ABHD3: variants seen among roughly 807,000 people sequenced by gnomAD.
ABHD3 encodes the protein abhydrolase domain containing 3, phospholipase, also known as phospholipase ABHD3.
Under a neutral mutation model 48.8 loss-of-function variants are expected in ABHD3, and 46 were observed. That is an observed-to-expected ratio of 0.94 (90% confidence interval 0.74 to 1.20). The LOEUF is 1.20. Among genes scored for constraint, ABHD3 ranks in the 50% most tolerant of loss-of-function variants. ABHD3 has a pLI of 0.00. For missense variants in ABHD3, 490 were observed against 497.8 expected, an observed-to-expected ratio of 0.98 and a Z score of 0.15; for synonymous variants, 192 against 183.7, an observed-to-expected ratio of 1.04 and a Z score of -0.36.
intron 8 of ABHD3, among the ~76,000 whole-genome samples, chr18:21,652,668 G>T (rs2039251650): frequency 6.6e-6 from 1 of 151,588 alleles, no homozygotes; most frequent in Admixed American, 6.6e-5. Context: ...CCAGCTACTT[G>T]GGAGGCTGAG....
chr18:21,675,259 TG>T (rs2039851415), intron 4 of ABHD3, among the ~76,000 whole-genome samples: 2 of 124,890 alleles, frequency 1.6e-5, no homozygotes, highest in South Asian at 5.4e-4. Context: ...TGGAATGAGG[TG>T]GGTTTTTTTT....
intron 4 of ABHD3, chr18:21,682,972 G>C (rs924293464): frequency 6.6e-6 from 1 of 152,236 alleles, no homozygotes; most frequent in African/African-American, 2.4e-5. Flanking sequence ...TTTCGAAATC[G>C]TGTTGATCTT....
chr18:21,667,521 G>A (rs538300979), intron 4 of ABHD3, among the ~76,000 whole-genome samples: 191 of 152,164 alleles, frequency 1.3e-3, no homozygotes, highest in African/African-American at 4.3e-3. Context: ...GATTACAGGC[G>A]TGAATCACCG....
chr18:21,669,825 T>C (rs1305451496), intron 4 of ABHD3, among the ~76,000 whole-genome samples: 1 of 152,062 alleles, frequency 6.6e-6, no homozygotes, highest in East Asian at 1.9e-4. Context: ...TCCTCCTCAG[T>C]GAAAGGAAAC....
chr18:21,684,027 T>C, intron 3 of ABHD3, 62 bp from the exon 4 acceptor site: 2 of 1,459,842 alleles, frequency 1.4e-6, no homozygotes, highest in South Asian at 2.5e-5. Context: ...TGATATAATA[T>C]TAAAGTCATC....
chr18:21,679,247 G>A (rs1217047197), intron 4 of ABHD3, among the ~76,000 whole-genome samples: 1 of 152,130 alleles, frequency 6.6e-6, no homozygotes, highest in Non-Finnish European at 1.5e-5. Context: ...ATTGTTCTTA[G>A]CTTGAAGACA....
At chr18:21,689,321 G>A (rs1196971930) in intron 3 of ABHD3, among the ~76,000 whole-genome samples, 2 of 151,968 alleles carry the variant, frequency 1.3e-5, no homozygotes, top group Admixed American at 6.6e-5. Flanking sequence ...AGCCAAGGTG[G>A]GTGGATCACC....
intron 8 of ABHD3, among the ~76,000 whole-genome samples, chr18:21,654,144 G>A (rs2039292570): frequency 6.6e-6 from 1 of 151,770 alleles, no homozygotes; most frequent in African/African-American, 2.4e-5. Context: ...GAGCCACTTC[G>A]CTCGGCCTGA....
chr18:21,672,863 C>CT (rs2039786503), intron 4 of ABHD3, among the ~76,000 whole-genome samples: 1 of 106,184 alleles, frequency 9.4e-6, no homozygotes, highest in Admixed American at 9.4e-5. Flanking sequence ...TATTAAATGA[C>CT]CATTGTCTAA....
intron 5 of ABHD3, among the ~76,000 whole-genome samples, chr18:21,659,823 C>T (rs1016079384): frequency 2.6e-5 from 4 of 152,122 alleles, no homozygotes; most frequent in Non-Finnish European, 5.9e-5. Flanking sequence ...CATGCATCAC[C>T]ACGCCCCGGT....
intron 8 of ABHD3, among the ~76,000 whole-genome samples, chr18:21,653,579 C>T (rs2039277749): frequency 6.6e-6 from 1 of 151,682 alleles, no homozygotes; most frequent in Non-Finnish European, 1.5e-5. Context: ...ATTTCAGATA[C>T]TGCCAAATCT....
At chr18:21,694,814 C>T (rs2040331600) in intron 3 of ABHD3, among the ~76,000 whole-genome samples, 1 of 152,132 alleles carries the variant, frequency 6.6e-6, no homozygotes. Context: ...TATTCATCCT[C>T]CTTCTCCTTT....
In ABHD3 at chr18:21,704,512, T is replaced by G. The variant is rs2040593038; in HGVS notation, c.154A>C (p.Ile52Leu). ...CGCCACCCCCGGCTCACCTTGGCAA[T>G]GCTGCTCAGGTAGTAGAAGGCATAA... ...VAYAFYYLSS[I>L]AKKPQLVTGG... Residue 52 changes from isoleucine to leucine, a missense_variant, in exon 1 of 9, where the codon ATT becomes CTT. Coordinates refer to ENST00000289119, the MANE Select transcript of ABHD3 (RefSeq NM_138340.5). The G allele has an allele frequency of 6.8e-7, 1 of 1,469,774 alleles. No individual in the cohort carries two copies. Among genetic ancestry groups the G allele is most frequent in the Non-Finnish European group, 9.0e-7 (1 of 1,105,550 alleles). 91.0% of individuals were successfully genotyped at this position (1,469,774 alleles called of 1,614,324 possible).
intron 8 of ABHD3, among the ~76,000 whole-genome samples, chr18:21,653,738 A>T (rs1186534691): frequency 4.9e-5 from 3 of 60,838 alleles, no homozygotes; most frequent in African/African-American, 5.9e-4. Flanking sequence ...AAAAAATGTT[A>T]AAAAAAAAAA....
intron 3 of ABHD3, among the ~76,000 whole-genome samples, chr18:21,685,258 A>G (rs1054700443): frequency 1.3e-5 from 2 of 152,320 alleles, no homozygotes; most frequent in South Asian, 2.1e-4. Flanking sequence ...GCTGCTGAGC[A>G]CTGTACAGGT....
chr18:21,667,128 C>A (rs1283168871), intron 4 of ABHD3, among the ~76,000 whole-genome samples: 1 of 149,746 alleles, frequency 6.7e-6, no homozygotes, highest in Non-Finnish European at 1.5e-5. Flanking sequence ...GGCTGGAGTG[C>A]AGTGGTGCGA....
intron 4 of ABHD3, among the ~76,000 whole-genome samples, chr18:21,676,185 A>G (rs2850565): frequency 0.33 from 49,644 of 152,068 alleles, 11,806 homozygotes; most frequent in African/African-American, 0.64. Context: ...ACAATATTTT[A>G]TAGCCATCAT....
At chr18:21,678,306 T>C (rs1474575765) in intron 4 of ABHD3, among the ~76,000 whole-genome samples, 22 of 152,118 alleles carry the variant, frequency 1.4e-4, no homozygotes. Flanking sequence ...AATTTCTGGG[T>C]CATATGGTAA....
At chr18:21,703,833 G>A in intron 1 of ABHD3, 86 bp from the exon 2 acceptor site, 2 of 1,395,646 alleles carry the variant, frequency 1.4e-6, no homozygotes, top group Admixed American at 2.0e-5. Context: ...CTTGTCGCTC[G>A]CGCGCGCGCT....
Sources: gnomAD v4.1 joint callset for allele counts (sites outside exome capture counted in the v4.1 genomes callset) on GRCh38, gnomAD v4.1.1 for gene constraint, MANE v1.5 for transcripts, NCBI Gene and HGNC (gene_info 2026-07-23, HGNC 2026-07-21) for gene names.